SPATA17: variants seen among roughly 807,000 people sequenced by gnomAD.
SPATA17 encodes spermatogenesis-associated protein 17.
In SPATA17, 53 loss-of-function variants were observed where a neutral mutation model predicts 62.2. That is an observed-to-expected ratio of 0.85 (90% CI 0.68 to 1.07). The LOEUF (loss-of-function observed/expected upper bound fraction) is 1.07. Among genes scored for constraint, SPATA17 ranks in the 50% least tolerant of loss-of-function variants. SPATA17 has a pLI of 0.00. For missense variants in SPATA17, 466 were observed against 425.5 expected, an observed-to-expected ratio of 1.10 and a Z score of -0.84; for synonymous variants, 146 against 146.8, an observed-to-expected ratio of 0.99 and a Z score of 0.04.
At chr1:217,705,841 G>A (rs1334807530) in intron 5 of SPATA17, among the ~76,000 whole-genome samples, 1 of 152,160 alleles carries the variant, frequency 6.6e-6, no homozygotes, top group South Asian at 2.1e-4. Flanking sequence ...TTATCTTCCA[G>A]GGTTTTTATA....
chr1:217,841,735 G>GAATA (rs1374758729), intron 9 of SPATA17, among the ~76,000 whole-genome samples: 3 of 151,434 alleles, frequency 2.0e-5, no homozygotes, highest in Non-Finnish European at 4.4e-5. Flanking sequence ...ACCATGTTAT[G>GAATA]AATAATACAC....
At chr1:217,789,028 C>A (rs1314561372) in intron 8 of SPATA17, among the ~76,000 whole-genome samples, 2 of 152,042 alleles carry the variant, frequency 1.3e-5, no homozygotes, top group Middle Eastern at 3.4e-3. Context: ...GTATAGACAT[C>A]GAGGATTTAA....
intron 6 of SPATA17, among the ~76,000 whole-genome samples, chr1:217,747,774 CAT>C (rs1672798605): frequency 6.6e-6 from 1 of 152,026 alleles, no homozygotes; most frequent in Non-Finnish European, 1.5e-5. Flanking sequence ...ATTTTCATGT[CAT>C]AATTTATACG....
At chr1:217,698,590 AAAAAC>A (rs922764074) in intron 5 of SPATA17, among the ~76,000 whole-genome samples, 1 of 151,828 alleles carries the variant, frequency 6.6e-6, no homozygotes, top group Non-Finnish European at 1.5e-5. Context: ...AAAAAAAAAA[AAAAAC>A]AAAGAAATTC....
chr1:217,786,879 A>T (rs142330370), intron 8 of SPATA17, among the ~76,000 whole-genome samples: 2,375 of 150,974 alleles, frequency 0.016, 34 homozygotes, highest in Middle Eastern at 0.028. Flanking sequence ...TATGCCAATG[A>T]TTTCCATTTT....
intron 5 of SPATA17, among the ~76,000 whole-genome samples, chr1:217,690,780 G>A (rs1161818880): frequency 5.4e-5 from 7 of 128,956 alleles, no homozygotes; most frequent in Admixed American, 7.9e-5. Flanking sequence ...GAGAATGATG[G>A]TTTCCAATTT....
At position 217,770,978 on chromosome 1, in the gene SPATA17, A is replaced by ATTTTTTTT. The variant is rs374042087; in HGVS notation, c.520-3333_520-3326dup. Among the ~76,000 whole-genome samples the ATTTTTTTT allele has an allele frequency of 6.7e-3, 335 of 50,018 alleles. 5 individuals carry two copies. Among genetic ancestry groups the ATTTTTTTT allele is most frequent in the African/African-American group, 7.2e-3 (83 of 11,552 alleles). 32.8% of individuals were successfully genotyped at this position (50,018 alleles called of 152,430 possible). A position where few individuals can be genotyped will look rare whatever the true frequency, so the allele number is the denominator to read the frequency against. ...ATGTATCTATTATATAACTCATTGC[A>ATTTTTTTT]TTTTTTTTTTTTTTTTTTTTTTTTT... is the stretch of plus-strand genomic sequence containing the variant. On this transcript the variant is annotated intron_variant, in intron 6 of 10. Coordinates refer to ENST00000366933, the MANE Select transcript of SPATA17 (RefSeq NM_138796.4).
At chr1:217,774,262 C>G in intron 6 of SPATA17, 72 bp from the exon 7 acceptor site, 8 of 1,309,224 alleles carry the variant, frequency 6.1e-6, no homozygotes. Context: ...GAAAAAATTT[C>G]ATGGTACAAC....
intron 8 of SPATA17, among the ~76,000 whole-genome samples, chr1:217,792,187 G>A (rs1475088523): frequency 1.3e-5 from 2 of 152,156 alleles, no homozygotes; most frequent in South Asian, 2.1e-4. Flanking sequence ...CCCTAAATCA[G>A]ATTTAGGGGT....
intron 8 of SPATA17, among the ~76,000 whole-genome samples, chr1:217,796,646 A>G (rs1171443830): frequency 1.3e-5 from 2 of 152,198 alleles, no homozygotes; most frequent in Non-Finnish European, 2.9e-5. Context: ...TACTGTGTGT[A>G]TTAAGCGCTT....
At chr1:217,809,161 A>T (rs1304354854) in intron 9 of SPATA17, among the ~76,000 whole-genome samples, 1 of 152,214 alleles carries the variant, frequency 6.6e-6, no homozygotes, top group African/African-American at 2.4e-5. Context: ...AAGGGGTAAG[A>T]CATGCTGGAA....
chr1:217,702,589 A>T (rs546976501), intron 5 of SPATA17, among the ~76,000 whole-genome samples: 3 of 152,200 alleles, frequency 2.0e-5, no homozygotes, highest in Non-Finnish European at 4.4e-5. Flanking sequence ...TTGTTCCAGG[A>T]TAGCATTTTT....
At chr1:217,861,078 A>G (rs2103016144) in intron 9 of SPATA17, among the ~76,000 whole-genome samples, 1 of 152,206 alleles carries the variant, frequency 6.6e-6, no homozygotes, top group Non-Finnish European at 1.5e-5. Context: ...TAGTGCAGTT[A>G]CCTTATAACA....
Position 217,809,786 on chromosome 1 carries a change from G to T in SPATA17, c.1005+7936G>T, listed in dbSNP as rs559598556. Among the ~76,000 whole-genome samples the T allele has an allele frequency of 3.3e-5, 5 of 152,280 alleles. No homozygotes were observed. The South Asian group carries it at 1.0e-3, about 32-fold the overall frequency. ...TGAGTTTTGGTGAGAACAAACTCAA[G>T]CCATAACAATGTCATTTCATAAAAT... On this transcript the variant is annotated intron_variant, in intron 9 of 10. Coordinates refer to ENST00000366933, the MANE Select transcript of SPATA17 (RefSeq NM_138796.4).
chr1:217,660,420 A>G (rs1370144733), intron 3 of SPATA17, among the ~76,000 whole-genome samples: 2 of 152,204 alleles, frequency 1.3e-5, no homozygotes, highest in South Asian at 2.1e-4. Flanking sequence ...TACCAACTGG[A>G]TAAATGATTC....
At chr1:217,806,412 C>T (rs1674436676) in intron 9 of SPATA17, among the ~76,000 whole-genome samples, 1 of 152,132 alleles carries the variant, frequency 6.6e-6, no homozygotes, top group Admixed American at 6.6e-5. Context: ...CGGTCCTGCT[C>T]CCTGGGCCTC....
At chr1:217,792,736 C>T (rs138027521) in intron 8 of SPATA17, among the ~76,000 whole-genome samples, 2 of 152,066 alleles carry the variant, frequency 1.3e-5, no homozygotes, top group African/African-American at 2.4e-5. Flanking sequence ...TAATAGACCA[C>T]GACTGTGGTC....
chr1:217,712,189 C>T (rs1336078836), intron 5 of SPATA17, among the ~76,000 whole-genome samples: 12 of 141,490 alleles, frequency 8.5e-5, no homozygotes, highest in South Asian at 4.4e-4. Flanking sequence ...TGCAATGGTA[C>T]GATCTCGGCT....
At chr1:217,850,899 A>G (rs1303270579) in intron 9 of SPATA17, among the ~76,000 whole-genome samples, 1 of 152,158 alleles carries the variant, frequency 6.6e-6, no homozygotes, top group East Asian at 1.9e-4. Flanking sequence ...CAAAAAAAAT[A>G]TAAAAGGACT....
Sources: gnomAD v4.1 joint callset for allele counts (sites outside exome capture counted in the v4.1 genomes callset) on GRCh38, gnomAD v4.1.1 for gene constraint, MANE v1.5 for transcripts, NCBI Gene and HGNC (gene_info 2026-07-23, HGNC 2026-07-21) for gene names.